TENM1: variants seen among roughly 807,000 people sequenced by gnomAD.
TENM1 encodes the protein teneurin-1.
Under a neutral mutation model 174.8 loss-of-function variants are expected in TENM1, and 35 were observed. That is an observed-to-expected ratio of 0.20 (90% CI 0.15 to 0.27). The LOEUF (loss-of-function observed/expected upper bound fraction) is 0.27. Among genes scored for constraint, TENM1 ranks in the 10% least tolerant of loss-of-function variants. The pLI is 1.00. For synonymous variants in TENM1, 781 were observed against 798.7 expected (o/e 0.98, Z 0.37); for missense variants, 1,633 against 2,130.1 (o/e 0.77, Z 4.59).
chrX:124,471,917 G>A (rs1483414212), intron 22 of TENM1, among the ~76,000 whole-genome samples: 3 of 106,049 alleles, frequency 2.8e-5, no homozygotes, highest in East Asian at 5.8e-4. Context: ...CTGCAGGGGC[G>A]TACCAAGGTT....
chrX:125,176,871 G>T, the TENM1 span, among the ~76,000 whole-genome samples: 1 of 111,404 alleles, frequency 9.0e-6, no homozygotes, highest in Admixed American at 9.6e-5. Context: ...ACTTTTTTAT[G>T]ATTAAAACTA....
chrX:125,052,925 T>C, the TENM1 span, among the ~76,000 whole-genome samples: 6 of 112,287 alleles, frequency 5.3e-5, no homozygotes, highest in African/African-American at 1.9e-4. Context: ...GAAATAAAAA[T>C]TGTATACAAG....
chrX:124,807,878 TACAC>T (rs151254866), intron 3 of TENM1, among the ~76,000 whole-genome samples: 4,374 of 84,761 alleles, frequency 0.052, 108 homozygotes, highest in African/African-American at 0.083. Flanking sequence ...GAAAATCACT[TACAC>T]ACACACACAC....
intron 23 of TENM1, among the ~76,000 whole-genome samples, chrX:124,425,289 T>C (rs2060698730): frequency 8.9e-6 from 1 of 112,623 alleles, no homozygotes; most frequent in African/African-American, 3.2e-5. Flanking sequence ...TTTTCCATAA[T>C]GGCTGTACTA....
At chrX:124,616,762 T>G (rs2050407042) in intron 11 of TENM1, among the ~76,000 whole-genome samples, 1 of 112,171 alleles carries the variant, frequency 8.9e-6, no homozygotes, top group East Asian at 2.8e-4. Context: ...TGTCACATAG[T>G]ATTTTGTAAA....
intron 3 of TENM1, among the ~76,000 whole-genome samples, chrX:124,835,054 G>C (rs917292742): frequency 9.0e-6 from 1 of 111,690 alleles, no homozygotes; most frequent in Non-Finnish European, 1.9e-5. Context: ...CTCCCCAACA[G>C]GCACCTTTCA....
intron 11 of TENM1, among the ~76,000 whole-genome samples, chrX:124,584,234 C>T (rs1456994571): frequency 9.1e-6 from 1 of 109,387 alleles, no homozygotes; most frequent in Admixed American, 9.7e-5. Flanking sequence ...ACATAATTGT[C>T]AGATTCACCA....
At chrX:124,924,112 T>A (rs1407435145) in intron 1 of TENM1, among the ~76,000 whole-genome samples, 1 of 112,522 alleles carries the variant, frequency 8.9e-6, no homozygotes, top group East Asian at 2.8e-4. Flanking sequence ...ATTAAATGAA[T>A]TAATATTCTT....
intron 3 of TENM1, among the ~76,000 whole-genome samples, chrX:124,863,729 T>C (rs1052912658): frequency 2.7e-5 from 3 of 112,370 alleles, no homozygotes; most frequent in Middle Eastern, 4.2e-3. Context: ...CACCAGCCAA[T>C]TGTAGAGCCC....
At chrX:124,405,680 A>C (rs1402477286) in intron 26 of TENM1, among the ~76,000 whole-genome samples, 2 of 110,552 alleles carry the variant, frequency 1.8e-5, no homozygotes, top group South Asian at 7.8e-4. Flanking sequence ...GTACTCCACA[A>C]AATACCACTA....
the TENM1 span, among the ~76,000 whole-genome samples, chrX:125,096,163 C>A: frequency 8.9e-6 from 1 of 111,787 alleles, no homozygotes; most frequent in South Asian, 3.8e-4. Flanking sequence ...TACAAGATGA[C>A]TTAGCCTGGA....
chrX:124,922,144 T>C (rs180756970), intron 1 of TENM1, among the ~76,000 whole-genome samples: 2 of 111,665 alleles, frequency 1.8e-5, no homozygotes, highest in East Asian at 5.6e-4. Context: ...CAAACATCTT[T>C]CTCTGACCCA....
intron 11 of TENM1, among the ~76,000 whole-genome samples, chrX:124,622,250 C>A (rs958763429): frequency 1.8e-5 from 2 of 111,496 alleles, no homozygotes; most frequent in East Asian, 2.8e-4. Flanking sequence ...ATTCATAGGT[C>A]GAATATCAGC....
chrX:125,004,932 A>T, the TENM1 span, among the ~76,000 whole-genome samples: 98 of 111,247 alleles, frequency 8.8e-4, no homozygotes, highest in African/African-American at 3.1e-3. Flanking sequence ...TAATAATCAA[A>T]TATTGAAACG....
At chrX:124,881,384 T>C (rs1046390035) in intron 3 of TENM1, among the ~76,000 whole-genome samples, 1 of 111,553 alleles carries the variant, frequency 9.0e-6, no homozygotes, top group African/African-American at 3.3e-5. Context: ...TATGTCTCTT[T>C]TTTCACTTCT....
intron 20 of TENM1, among the ~76,000 whole-genome samples, chrX:124,491,662 T>C (rs1380799717): frequency 8.9e-6 from 1 of 111,954 alleles, no homozygotes; most frequent in Non-Finnish European, 1.9e-5. Context: ...TTTCTAATGA[T>C]AGTGATATTG....
chrX:124,467,670 TAAAACAAAAC>T (rs1049326079), intron 22 of TENM1, among the ~76,000 whole-genome samples: 3 of 111,866 alleles, frequency 2.7e-5, no homozygotes, highest in Non-Finnish European at 5.7e-5. Context: ...AAGTCTTATT[TAAAACAAAAC>T]AAAACAAAAC....
At chrX:124,816,347 T>A (rs1432001519) in intron 3 of TENM1, among the ~76,000 whole-genome samples, 1 of 112,438 alleles carries the variant, frequency 8.9e-6, no homozygotes, top group African/African-American at 3.2e-5. Context: ...TATGAATGCA[T>A]GCATTTGTGT....
chrX:125,075,135 C>T, the TENM1 span, among the ~76,000 whole-genome samples: 1 of 111,705 alleles, frequency 9.0e-6, no homozygotes. Flanking sequence ...GCAATCACTA[C>T]CTGTTACCAT....
Sources: allele counts gnomAD v4.1 joint callset (sites outside exome capture counted in the v4.1 genomes callset), GRCh38; gene constraint gnomAD v4.1.1; transcripts MANE v1.5; gene names NCBI Gene and HGNC (gene_info 2026-07-23, HGNC 2026-07-21).